The following OPCML variants were observed in gnomAD, a reference collection of about 807,000 sequenced individuals.
The protein encoded by OPCML is opioid binding protein/cell adhesion molecule like.
In OPCML, 13 loss-of-function variants were observed where a neutral mutation model predicts 37.8. The observed-to-expected ratio is 0.34, with a 90% confidence interval of 0.22 to 0.55. The LOEUF (loss-of-function observed/expected upper bound fraction) is 0.55. OPCML is among the 20% of genes least tolerant of loss of function. The pLI, the probability that OPCML is intolerant of heterozygous loss-of-function variation, is 0.91. For missense variants in OPCML, 341 were observed against 435.6 expected (o/e 0.78, Z 1.93); for synonymous variants, 176 against 168.8 (o/e 1.04, Z -0.33).
chr11:132,516,261 T>C (rs375046479), intron 4 of OPCML, among the ~76,000 whole-genome samples: 17 of 152,138 alleles, frequency 1.1e-4, no homozygotes, highest in African/African-American at 3.4e-4. Flanking sequence ...GGGAGATAAG[T>C]CTGCAACTTC....
At chr11:132,455,024 T>A (rs1248592985) in intron 4 of OPCML, among the ~76,000 whole-genome samples, 1 of 152,198 alleles carries the variant, frequency 6.6e-6, no homozygotes, top group Non-Finnish European at 1.5e-5. Context: ...TATAATAGAA[T>A]GTATCACATA....
intron 1 of OPCML, among the ~76,000 whole-genome samples, chr11:133,215,217 TGA>T (rs139928448): frequency 3.3e-4 from 50 of 150,296 alleles, no homozygotes; most frequent in Admixed American, 1.6e-3. Flanking sequence ...TGTGTGTGTG[TGA>T]GAGAGAGAGA....
intron 1 of OPCML, among the ~76,000 whole-genome samples, chr11:132,944,499 C>T (rs1251383810): frequency 6.6e-6 from 1 of 152,192 alleles, no homozygotes; most frequent in Non-Finnish European, 1.5e-5. Context: ...CTCCACTGGA[C>T]GCCTGTCCCC....
At chr11:133,146,577 T>C (rs189511305) in intron 1 of OPCML, among the ~76,000 whole-genome samples, 60 of 152,218 alleles carry the variant, frequency 3.9e-4, no homozygotes, top group African/African-American at 1.4e-3. Flanking sequence ...CCTCCCAAAG[T>C]GCTGGGATTA....
intron 1 of OPCML, among the ~76,000 whole-genome samples, chr11:133,260,174 T>A (rs1592147728): frequency 1.3e-5 from 2 of 151,548 alleles, no homozygotes; most frequent in African/African-American, 4.8e-5. Context: ...TCCCCAGACA[T>A]GCTGGGCAAA....
At chr11:132,728,818 C>G (rs1418717399) in intron 2 of OPCML, among the ~76,000 whole-genome samples, 3 of 152,090 alleles carry the variant, frequency 2.0e-5, no homozygotes, top group African/African-American at 7.2e-5. Context: ...AGGAAACAAA[C>G]TCAGAAAAAT....
chr11:132,476,624 G>C (rs879033490), intron 4 of OPCML, among the ~76,000 whole-genome samples: 2 of 151,962 alleles, frequency 1.3e-5, no homozygotes, highest in Non-Finnish European at 2.9e-5. Flanking sequence ...CTCACTCATA[G>C]GTGGGAATTG....
At chr11:133,099,395 T>C (rs1358741995) in intron 1 of OPCML, among the ~76,000 whole-genome samples, 2 of 151,620 alleles carry the variant, frequency 1.3e-5, no homozygotes, top group Non-Finnish European at 2.9e-5. Context: ...CCTGAGTAGC[T>C]GGGACTACAG....
intron 1 of OPCML, among the ~76,000 whole-genome samples, chr11:132,996,335 C>T (rs1946884355): frequency 1.3e-5 from 2 of 151,836 alleles, no homozygotes; most frequent in Admixed American, 1.3e-4. Context: ...AAACTTGATT[C>T]ATAGCTGGGT....
intron 2 of OPCML, among the ~76,000 whole-genome samples, chr11:132,924,430 C>G (rs1944921340): frequency 6.6e-6 from 1 of 152,192 alleles, no homozygotes; most frequent in African/African-American, 2.4e-5. Context: ...GTGTATACCA[C>G]TGCACCAAGC....
At chr11:132,602,280 A>G (rs1247942956) in intron 3 of OPCML, among the ~76,000 whole-genome samples, 1 of 152,202 alleles carries the variant, frequency 6.6e-6, no homozygotes, top group African/African-American at 2.4e-5. Context: ...GGCAATTACC[A>G]TCGACACCAT....
intron 2 of OPCML, among the ~76,000 whole-genome samples, chr11:132,729,576 G>A (rs1357568262): frequency 1.3e-5 from 2 of 152,188 alleles, no homozygotes; most frequent in Non-Finnish European, 2.9e-5. Flanking sequence ...CCAAGGTTCA[G>A]CAGCCACAGT....
At chr11:132,622,391 A>G (rs1350820868) in intron 3 of OPCML, among the ~76,000 whole-genome samples, 1 of 152,234 alleles carries the variant, frequency 6.6e-6, no homozygotes, top group East Asian at 1.9e-4. Context: ...TATAAAGGCC[A>G]CTGAAGAAGC....
intron 2 of OPCML, among the ~76,000 whole-genome samples, chr11:132,769,240 G>GT (rs374516026): frequency 0.017 from 2,510 of 146,552 alleles, 53 homozygotes; most frequent in Middle Eastern, 0.042. Flanking sequence ...TGGTTTGTTT[G>GT]TTGTTTTTTT....
At chr11:132,866,358 A>G (rs1942554576) in intron 2 of OPCML, among the ~76,000 whole-genome samples, 1 of 152,188 alleles carries the variant, frequency 6.6e-6, no homozygotes, top group African/African-American at 2.4e-5. Flanking sequence ...GCTACTTGTG[A>G]TCCTATTAAG....
At chr11:133,080,641 C>G (rs58439692) in intron 1 of OPCML, among the ~76,000 whole-genome samples, 4,709 of 152,180 alleles carry the variant, frequency 0.031, 214 homozygotes, top group African/African-American at 0.1. Context: ...CTCAAATCAG[C>G]AAAACACCCA....
intron 1 of OPCML, among the ~76,000 whole-genome samples, chr11:133,160,055 A>G (rs1950120284): frequency 6.6e-6 from 1 of 152,234 alleles, no homozygotes; most frequent in Non-Finnish European, 1.5e-5. Flanking sequence ...CTTTTATACA[A>G]ACCTGACAGA....
intron 4 of OPCML, among the ~76,000 whole-genome samples, chr11:132,440,447 C>G (rs778845969): frequency 6.6e-6 from 1 of 152,156 alleles, no homozygotes; most frequent in Non-Finnish European, 1.5e-5. Context: ...CCGGGGCCCC[C>G]ACCCTGAGCA....
At chr11:133,526,760 G>T (rs761486617) in intron 1 of OPCML, among the ~76,000 whole-genome samples, 2 of 152,182 alleles carry the variant, frequency 1.3e-5, no homozygotes, top group African/African-American at 2.4e-5. Flanking sequence ...GTAGCAAGTT[G>T]TAAGTCTGGG....
Sources: allele counts gnomAD v4.1 joint callset (sites outside exome capture counted in the v4.1 genomes callset), GRCh38; gene constraint gnomAD v4.1.1; transcripts MANE v1.5; gene names NCBI Gene and HGNC (gene_info 2026-07-23, HGNC 2026-07-21).